The following FAM227B variants were observed in gnomAD, a reference collection of about 807,000 sequenced individuals.
FAM227B encodes the protein family with sequence similarity 227 member B, also known as protein FAM227B.
Under a neutral mutation model 73.8 loss-of-function variants are expected in FAM227B, and 88 were observed. The ratio of observed to expected loss-of-function variants is 1.19; its 90% CI spans 1.00 to 1.42. The LOEUF (loss-of-function observed/expected upper bound fraction) is 1.42. Ranked by LOEUF, FAM227B falls within the 40% of genes most tolerant of loss-of-function variation. FAM227B has a pLI of 0.00. For missense variants in FAM227B, 632 were observed against 590.9 expected, an observed-to-expected ratio of 1.07 and a Z score of -0.72; for synonymous variants, 210 against 190.5, an observed-to-expected ratio of 1.10 and a Z score of -0.84.
chr15:49,385,662 T>C (rs998845595), intron 11 of FAM227B, among the ~76,000 whole-genome samples: 1 of 148,938 alleles, frequency 6.7e-6, no homozygotes, highest in African/African-American at 2.5e-5. Context: ...TCAATATTAA[T>C]GTTGACTGTA....
intron 1 of FAM227B, among the ~76,000 whole-genome samples, chr15:49,618,031 C>G (rs1328684115): frequency 1.3e-5 from 2 of 152,260 alleles, no homozygotes; most frequent in Non-Finnish European, 2.9e-5. Flanking sequence ...TTGTCTTCCT[C>G]TCATAAGAAC....
At chr15:49,411,597 C>A (rs2048876500) in intron 11 of FAM227B, among the ~76,000 whole-genome samples, 1 of 152,046 alleles carries the variant, frequency 6.6e-6, no homozygotes, top group Non-Finnish European at 1.5e-5. Flanking sequence ...TAAAACATTT[C>A]ATTACCAGTT....
intron 11 of FAM227B, among the ~76,000 whole-genome samples, chr15:49,383,615 A>G (rs2046680838): frequency 6.6e-6 from 1 of 152,244 alleles, no homozygotes; most frequent in Middle Eastern, 3.4e-3. Flanking sequence ...AAGTCCTGCT[A>G]GGCAAAAAGT....
intron 13 of FAM227B, chr15:49,366,753 C>A: frequency 1.3e-6 from 1 of 780,642 alleles, no homozygotes; most frequent in South Asian, 1.7e-5. Context: ...GGAGTCCCGC[C>A]ACTGCGCTGC....
At chr15:49,567,569 G>A (rs117426824) in intron 9 of FAM227B, among the ~76,000 whole-genome samples, 1 of 151,952 alleles carries the variant, frequency 6.6e-6, no homozygotes, top group Non-Finnish European at 1.5e-5. Flanking sequence ...TTTTTATTTT[G>A]GGTATGGCTT....
chr15:49,406,290 G>T (rs902591161), intron 11 of FAM227B, among the ~76,000 whole-genome samples: 1 of 152,110 alleles, frequency 6.6e-6, no homozygotes, highest in Non-Finnish European at 1.5e-5. Flanking sequence ...GCTGAAGCAG[G>T]GTGCTACTGG....
At chr15:49,463,908 CAACA>C (rs2054029516) in intron 11 of FAM227B, among the ~76,000 whole-genome samples, 1 of 148,924 alleles carries the variant, frequency 6.7e-6, no homozygotes, top group Non-Finnish European at 1.5e-5. Flanking sequence ...TGATGTGGCT[CAACA>C]AACAAGGTTT....
chr15:49,437,212 C>T (rs1726437654), intron 11 of FAM227B, among the ~76,000 whole-genome samples: 2 of 151,352 alleles, frequency 1.3e-5, no homozygotes, highest in African/African-American at 4.8e-5. Context: ...TTCAGATAAT[C>T]TCAGATAACT....
chr15:49,593,664 C>T (rs2152417434), intron 3 of FAM227B, among the ~76,000 whole-genome samples: 1 of 152,080 alleles, frequency 6.6e-6, no homozygotes, highest in Non-Finnish European at 1.5e-5. Flanking sequence ...GCTTAGCTGC[C>T]ACTTGTAAGT....
intron 11 of FAM227B, among the ~76,000 whole-genome samples, chr15:49,502,115 G>A (rs1204754612): frequency 6.6e-6 from 1 of 152,200 alleles, no homozygotes; most frequent in East Asian, 1.9e-4. Flanking sequence ...CTGCTGCAGG[G>A]GCAGAGCCCT....
At chr15:49,533,821 C>T (rs2060803501) in intron 10 of FAM227B, among the ~76,000 whole-genome samples, 1 of 151,754 alleles carries the variant, frequency 6.6e-6, no homozygotes. Flanking sequence ...TTAATCCATT[C>T]AGCCCCTCTC....
chr15:49,414,314 G>C (rs2049063749), intron 11 of FAM227B, among the ~76,000 whole-genome samples: 1 of 151,912 alleles, frequency 6.6e-6, no homozygotes, highest in Non-Finnish European at 1.5e-5. Context: ...TGGGGAGATA[G>C]GGAGAGAAGG....
intron 15 of FAM227B, chr15:49,329,918 C>T: frequency 5.1e-6 from 1 of 194,570 alleles, no homozygotes; most frequent in Non-Finnish European, 9.3e-6. Context: ...GTGCACTCTT[C>T]TTTGGGGGAC....
In FAM227B at chr15:49,328,881, C is replaced by A. The variant is rs2038019538; in HGVS notation, c.1420-206G>T. ...AATAACCACTTTCAATTCTTTTGGC[C>A]CTGAGCTATCTCCATTACTTAATAG... On this transcript the variant is annotated intron_variant, in intron 15 of 15. Transcript: ENST00000299338. The A allele has an allele frequency of 7.6e-6, 10 of 1,316,824 alleles. No homozygotes were observed. In the East Asian group the frequency reaches 2.7e-4, roughly 35 times the overall value. The allele number at this position is 1,316,824 out of a possible 1,614,324, so 81.6% of individuals were successfully genotyped here.
At chr15:49,531,016 T>C (rs2060567080) in intron 10 of FAM227B, among the ~76,000 whole-genome samples, 1 of 151,730 alleles carries the variant, frequency 6.6e-6, no homozygotes, top group Non-Finnish European at 1.5e-5. Context: ...CATTATTACA[T>C]GACAACAACT....
chr15:49,383,498 C>T (rs1019039119), intron 11 of FAM227B, among the ~76,000 whole-genome samples: 1 of 152,056 alleles, frequency 6.6e-6, no homozygotes, highest in African/African-American at 2.4e-5. Flanking sequence ...GAAACCAAAA[C>T]ATTTGTATGA....
At chr15:49,583,469 T>C (rs916543603) in intron 5 of FAM227B, among the ~76,000 whole-genome samples, 3 of 152,056 alleles carry the variant, frequency 2.0e-5, no homozygotes, top group African/African-American at 7.2e-5. Context: ...ACAAATGACA[T>C]GACAATGTCA....
chr15:49,600,654 CA>C (rs776786703), intron 3 of FAM227B, among the ~76,000 whole-genome samples: 298 of 107,104 alleles, frequency 2.8e-3, no homozygotes, highest in Middle Eastern at 5.3e-3. Context: ...GACCACATCT[CA>C]AAAAAAAAAA....
At chr15:49,456,780 T>C (rs2053333471) in intron 11 of FAM227B, among the ~76,000 whole-genome samples, 1 of 151,980 alleles carries the variant, frequency 6.6e-6, no homozygotes, top group Non-Finnish European at 1.5e-5. Context: ...TATTGACAGG[T>C]GATGGGAAGT....
Sources: allele counts gnomAD v4.1 joint callset (sites outside exome capture counted in the v4.1 genomes callset), GRCh38; gene constraint gnomAD v4.1.1; transcripts MANE v1.5; gene names NCBI Gene and HGNC (gene_info 2026-07-23, HGNC 2026-07-21).